EIF4G3: variants seen among roughly 807,000 people sequenced by gnomAD.
The protein encoded by EIF4G3 is eukaryotic translation initiation factor 4 gamma 3.
In EIF4G3, 34 loss-of-function variants were observed where a neutral mutation model predicts 186.4. That is an observed-to-expected ratio of 0.18 (90% CI 0.14 to 0.24). The LOEUF (loss-of-function observed/expected upper bound fraction) is 0.24, where lower values mean the gene tolerates loss of function less well. Ranked by LOEUF, EIF4G3 falls within the 10% of genes least tolerant of loss-of-function variation. The pLI is 1.00. For synonymous variants in EIF4G3, 673 were observed against 679.5 expected, an observed-to-expected ratio of 0.99 and a Z score of 0.15; for missense variants, 1,536 against 1,948.5, an observed-to-expected ratio of 0.79 and a Z score of 3.99.
Position 21,087,720 on chromosome 1 carries a change from G to A in EIF4G3, c.-196+1418C>T, listed in dbSNP as rs1401478438. ...ACGATCTCAGCTCACTGCAAGCTCC[G>A]CCTCCTGGGTTCACGCCATTCTCCT... On this transcript the variant is annotated intron_variant, in intron 3 of 36. Transcript: ENST00000602326. 2.0e-5 allele frequency among the ~76,000 whole-genome samples: 3 copies of A among 151,910 alleles called. 1 individual carries two copies. The highest frequency in any genetic ancestry group is 4.2e-4 in the South Asian group (2 of 4,818).
chr1:20,950,849 T>G (rs929523192), intron 12 of EIF4G3, among the ~76,000 whole-genome samples: 4 of 152,134 alleles, frequency 2.6e-5, no homozygotes, highest in Non-Finnish European at 5.9e-5. Flanking sequence ...ATTGCTCAAC[T>G]TAGAGGGAAC....
At chr1:21,063,709 G>T (rs1316234789) in intron 3 of EIF4G3, among the ~76,000 whole-genome samples, 1 of 40,188 alleles carries the variant, frequency 2.5e-5, no homozygotes, top group Non-Finnish European at 7.0e-5. Flanking sequence ...TCATTTTGGG[G>T]GGGGGGGTGT....
intron 2 of EIF4G3, among the ~76,000 whole-genome samples, chr1:21,129,656 G>A (rs2097116395): frequency 6.6e-6 from 1 of 152,092 alleles, no homozygotes; most frequent in Non-Finnish European, 1.5e-5. Flanking sequence ...AGAGAAAGCA[G>A]CAAACCCTTT....
At chr1:20,842,902 T>C (rs1173461705) in intron 29 of EIF4G3, among the ~76,000 whole-genome samples, 1 of 151,118 alleles carries the variant, frequency 6.6e-6, no homozygotes, top group South Asian at 2.1e-4. Context: ...TAGAGTGTAG[T>C]GGCATGATTA....
At chr1:21,071,255 A>G (rs2095431572) in intron 3 of EIF4G3, among the ~76,000 whole-genome samples, 1 of 152,148 alleles carries the variant, frequency 6.6e-6, no homozygotes, top group Non-Finnish European at 1.5e-5. Flanking sequence ...AAATGAAACA[A>G]AACAAAATTA....
chr1:21,124,415 T>A (rs983900594), intron 2 of EIF4G3, among the ~76,000 whole-genome samples: 3 of 152,226 alleles, frequency 2.0e-5, no homozygotes, highest in African/African-American at 7.2e-5. Context: ...TGGGCACTAC[T>A]GGCTTCAAAC....
At chr1:20,887,743 A>G (rs1308653328) in intron 18 of EIF4G3, among the ~76,000 whole-genome samples, 2 of 152,148 alleles carry the variant, frequency 1.3e-5, no homozygotes, top group Middle Eastern at 3.2e-3. Flanking sequence ...TTGGAAAAAT[A>G]CCAACAGGGA....
intron 2 of EIF4G3, among the ~76,000 whole-genome samples, chr1:21,167,766 A>G (rs2097882647): frequency 6.6e-6 from 1 of 152,144 alleles, no homozygotes; most frequent in African/African-American, 2.4e-5. Flanking sequence ...ACAAAGAAAA[A>G]AAAAATTAGG....
chr1:21,146,908 A>C (rs1344973771), intron 2 of EIF4G3, among the ~76,000 whole-genome samples: 1 of 152,234 alleles, frequency 6.6e-6, no homozygotes, highest in Non-Finnish European at 1.5e-5. Context: ...TAATTGTAAT[A>C]AAAGGCAAAC....
intron 19 of EIF4G3, among the ~76,000 whole-genome samples, chr1:20,884,782 G>T (rs138139901): frequency 6.6e-6 from 1 of 152,174 alleles, no homozygotes; most frequent in Non-Finnish European, 1.5e-5. Context: ...TCTTTGTTTT[G>T]TATTAACTAC....
chr1:20,874,090 T>C (rs2080057370), intron 20 of EIF4G3, among the ~76,000 whole-genome samples: 2 of 152,216 alleles, frequency 1.3e-5, no homozygotes, highest in Non-Finnish European at 1.5e-5. Context: ...CAGTCTATCA[T>C]TGATGGGCAT....
intron 2 of EIF4G3, among the ~76,000 whole-genome samples, chr1:21,129,090 G>C (rs1263415930): frequency 6.6e-6 from 1 of 151,758 alleles, no homozygotes; most frequent in Non-Finnish European, 1.5e-5. Flanking sequence ...CGAGGCGGGT[G>C]GATCACAAAG....
chr1:20,972,525 T>C (rs1031733188), intron 11 of EIF4G3, among the ~76,000 whole-genome samples: 2 of 152,104 alleles, frequency 1.3e-5, no homozygotes, highest in African/African-American at 2.4e-5. Context: ...TCCCAACTAC[T>C]TGGGAGGCTG....
chr1:21,138,633 C>T (rs1025323298), intron 2 of EIF4G3, among the ~76,000 whole-genome samples: 1 of 152,054 alleles, frequency 6.6e-6, no homozygotes, highest in Non-Finnish European at 1.5e-5. Flanking sequence ...GCCTGGTCAA[C>T]ATGGCCAAAC....
rs1021196139 is a variant in EIF4G3, at chr1:20,828,759, A to G, written c.4187+388T>C. Among the ~76,000 whole-genome samples the G allele has an allele frequency of 3.3e-4, 51 of 152,246 alleles. 1 individual carries two copies. Among genetic ancestry groups the G allele is most frequent in the Non-Finnish European group, 1.0e-4 (7 of 68,042 alleles). ...TTATAATCATCCTTTTATTATAATC[A>G]TGAGCATGTACTATGGGGTAATGCA... On this transcript the variant is annotated intron_variant, in intron 31 of 36. Transcript: ENST00000602326.
intron 3 of EIF4G3, among the ~76,000 whole-genome samples, chr1:21,070,665 T>C (rs2095415856): frequency 6.8e-6 from 1 of 146,828 alleles, no homozygotes; most frequent in Admixed American, 6.9e-5. Flanking sequence ...TGTGCAAACA[T>C]AAAATAAAAA....
chr1:20,975,623 A>G (rs1472365609), intron 10 of EIF4G3, among the ~76,000 whole-genome samples: 1 of 149,294 alleles, frequency 6.7e-6, no homozygotes, highest in African/African-American at 2.4e-5. Context: ...ATATAATAGT[A>G]TATTATTATA....
chr1:20,842,303 T>C (rs2068913217), intron 29 of EIF4G3, among the ~76,000 whole-genome samples: 1 of 152,104 alleles, frequency 6.6e-6, no homozygotes, highest in East Asian at 1.9e-4. Flanking sequence ...AATCGTCCTT[T>C]CTCTTTTTTG....
At chr1:21,124,065 TG>T (rs1421382233) in intron 2 of EIF4G3, among the ~76,000 whole-genome samples, 4 of 151,982 alleles carry the variant, frequency 2.6e-5, no homozygotes, top group Non-Finnish European at 4.4e-5. Flanking sequence ...CCGAGGCAGG[TG>T]GATCACCTGA....
Sources: gnomAD v4.1 joint callset for allele counts (sites outside exome capture counted in the v4.1 genomes callset) on GRCh38, gnomAD v4.1.1 for gene constraint, MANE v1.5 for transcripts, NCBI Gene and HGNC (gene_info 2026-07-23, HGNC 2026-07-21) for gene names.